PCDH9: variants seen among roughly 807,000 people sequenced by gnomAD.
PCDH9 encodes the protein protocadherin 9.
In PCDH9, 24 loss-of-function variants were observed where a neutral mutation model predicts 70.6. The observed-to-expected ratio is 0.34, with a 90% CI of 0.25 to 0.48. The LOEUF is 0.48. Among genes scored for constraint, PCDH9 ranks in the 20% least tolerant of loss-of-function variants. PCDH9 has a pLI of 0.99. For synonymous variants in PCDH9, 562 were observed against 558.5 expected, an observed-to-expected ratio of 1.01 and a Z score of -0.09; for missense variants, 1,281 against 1,503.6, an observed-to-expected ratio of 0.85 and a Z score of 2.45.
chr13:66,841,782 G>T (rs1230768411), intron 3 of PCDH9, among the ~76,000 whole-genome samples: 1 of 152,142 alleles, frequency 6.6e-6, no homozygotes, highest in African/African-American at 2.4e-5. Flanking sequence ...AAAATGGAGG[G>T]TTTAACATAA....
intron 2 of PCDH9, among the ~76,000 whole-genome samples, chr13:67,145,868 T>A (rs1174066659): frequency 6.6e-6 from 1 of 152,094 alleles, no homozygotes; most frequent in Admixed American, 6.6e-5. Context: ...AGATGATATA[T>A]CTGTCAATAA....
intron 4 of PCDH9, among the ~76,000 whole-genome samples, chr13:66,623,501 C>T (rs1001300605): frequency 2.0e-5 from 3 of 152,064 alleles, no homozygotes; most frequent in African/African-American, 4.8e-5. Context: ...TGCCTGGGCA[C>T]GATCATAGCT....
chr13:66,431,326 A>G (rs1270912295), intron 4 of PCDH9, among the ~76,000 whole-genome samples: 1 of 152,080 alleles, frequency 6.6e-6, no homozygotes, highest in Admixed American at 6.6e-5. Context: ...TCAATACTAC[A>G]AGTATTAATA....
chr13:66,397,753 A>C (rs901627861), intron 4 of PCDH9, among the ~76,000 whole-genome samples: 1 of 151,716 alleles, frequency 6.6e-6, no homozygotes, highest in African/African-American at 2.4e-5. Flanking sequence ...TAATTCCTGA[A>C]TTAATTTTTC....
intron 2 of PCDH9, among the ~76,000 whole-genome samples, chr13:66,959,135 GTAAT>G (rs144700375): frequency 0.015 from 2,333 of 152,198 alleles, 68 homozygotes; most frequent in African/African-American, 0.053. Flanking sequence ...AAAAATTTCA[GTAAT>G]TAGTCACCTT....
At chr13:66,702,076 G>GTTC (rs1416357882) in intron 3 of PCDH9, among the ~76,000 whole-genome samples, 4 of 152,088 alleles carry the variant, frequency 2.6e-5, no homozygotes, top group Admixed American at 1.3e-4. Flanking sequence ...TATTTATTAT[G>GTTC]TTCATTTTCA....
At chr13:66,932,303 A>G (rs2082824171) in intron 2 of PCDH9, among the ~76,000 whole-genome samples, 1 of 152,112 alleles carries the variant, frequency 6.6e-6, no homozygotes, top group Non-Finnish European at 1.5e-5. Flanking sequence ...TAGCAGCCTT[A>G]GCCAGGAGCA....
rs562116888 is a variant in PCDH9 at position 66,648,012 on chromosome 13, G to C, written c.3139-16601C>G. The stretch of plus-strand genomic sequence containing the variant: ...AAAGGGTGGGAAAATCTTGTCTTTT[G>C]GCTTGGGTGCCAGCTCAACCACAGT... On this transcript the variant is annotated intron_variant, in intron 3 of 4. Coordinates refer to ENST00000377865, the MANE Select transcript of PCDH9 (RefSeq NM_203487.3). Among the ~76,000 whole-genome samples the C allele has an allele frequency of 2.4e-4, 36 of 151,940 alleles. No individual in the cohort carries two copies. The South Asian group carries it at 7.3e-3, about 31-fold the overall frequency.
At chr13:66,507,698 T>TTTG in intron 4 of PCDH9, among the ~76,000 whole-genome samples, 1 of 149,568 alleles carries the variant, frequency 6.7e-6, no homozygotes. Flanking sequence ...TTCCTTTCTT[T>TTTG]TTTGTTTGTT....
intron 2 of PCDH9, among the ~76,000 whole-genome samples, chr13:67,111,562 T>G (rs906559728): frequency 6.6e-6 from 1 of 152,160 alleles, no homozygotes; most frequent in Admixed American, 6.5e-5. Flanking sequence ...AAAGGGAATA[T>G]TAGAGAAATT....
At chr13:66,903,387 G>A (rs2082308620) in intron 3 of PCDH9, 117 bp downstream of exon 3, 2 of 419,158 alleles carry the variant, frequency 4.8e-6, no homozygotes. Context: ...GTATAAAAAT[G>A]TGACCACAGA....
rs142263024 is a variant in PCDH9 at position 66,792,233 on chromosome 13, C to T, written c.3138+111271G>A. ...AATAGTAGAAAACTGTCTGTATTAA[C>T]ATATACAACTGGATAAATTATTCCA... On this transcript the variant is annotated intron_variant, in intron 3 of 4. Coordinates refer to ENST00000377865, the MANE Select transcript of PCDH9 (RefSeq NM_203487.3). Among the ~76,000 whole-genome samples, 608 of 152,242 alleles carry T rather than the reference C, an allele frequency of 4.0e-3. 1 individual carries two copies. The highest frequency in any genetic ancestry group is 6.8e-3 in the Non-Finnish European group (461 of 68,014).
intron 4 of PCDH9, among the ~76,000 whole-genome samples, chr13:66,472,211 CAAAAAA>C (rs34935198): frequency 1.8e-5 from 2 of 112,320 alleles, no homozygotes; most frequent in Admixed American, 9.5e-5. Context: ...GACTCCATCT[CAAAAAA>C]AAAAAAAAAA....
chr13:66,627,281 A>T (rs781267135), intron 4 of PCDH9, among the ~76,000 whole-genome samples: 1 of 152,158 alleles, frequency 6.6e-6, no homozygotes, highest in Admixed American at 6.5e-5. Flanking sequence ...CCGGTCAACA[A>T]ATTCCACTGA....
rs1961216156 is a variant in PCDH9, at chr13:66,546,670, C to T, written c.3340+84540G>A. On this transcript the variant is annotated intron_variant, in intron 4 of 4. Transcript: ENST00000377865. ...AAATATGCAGAGTTTATAAAGTTTACAGTAGTGTACAGTAATGTCCTGGGC... is the reference window on the plus strand; with the variant it reads ...AAATATGCAGAGTTTATAAAGTTTATAGTAGTGTACAGTAATGTCCTGGGC... Among the ~76,000 whole-genome samples the T allele has an allele frequency of 1.3e-5, 2 of 152,096 alleles. 1 individual carries two copies. The highest frequency in any genetic ancestry group is 4.2e-4 in the South Asian group (2 of 4,798).
intron 2 of PCDH9, among the ~76,000 whole-genome samples, chr13:67,019,671 T>C (rs1275789411): frequency 6.6e-6 from 1 of 152,184 alleles, no homozygotes; most frequent in East Asian, 1.9e-4. Flanking sequence ...TAGTAAGTGC[T>C]CAGCAAATGC....
intron 4 of PCDH9, among the ~76,000 whole-genome samples, chr13:66,452,024 T>C (rs1419687704): frequency 1.3e-5 from 2 of 152,206 alleles, no homozygotes; most frequent in Non-Finnish European, 2.9e-5. Context: ...TGAAATATTC[T>C]TTTAGGTCTC....
At chr13:66,521,047 A>T (rs534225401) in intron 4 of PCDH9, among the ~76,000 whole-genome samples, 9 of 152,162 alleles carry the variant, frequency 5.9e-5, no homozygotes, top group Non-Finnish European at 1.2e-4. Flanking sequence ...AACAAATTGA[A>T]AACAGCACAG....
intron 4 of PCDH9, among the ~76,000 whole-genome samples, chr13:66,385,925 T>C (rs577360913): frequency 1.3e-5 from 2 of 152,168 alleles, no homozygotes; most frequent in South Asian, 2.1e-4. Flanking sequence ...CAGGCATGTA[T>C]TTGTGTTTAA....
Sources: allele counts gnomAD v4.1 joint callset (sites outside exome capture counted in the v4.1 genomes callset), GRCh38; gene constraint gnomAD v4.1.1; transcripts MANE v1.5; gene names NCBI Gene and HGNC (gene_info 2026-07-23, HGNC 2026-07-21).